RTN3: variants seen among roughly 807,000 people sequenced by gnomAD.
The protein encoded by RTN3 is reticulon-3.
In RTN3, 49 loss-of-function variants were observed where a neutral mutation model predicts 77.8. The ratio of observed to expected loss-of-function variants is 0.63; its 90% CI spans 0.50 to 0.80. RTN3 has a LOEUF of 0.80. RTN3 is among the 30% of genes least tolerant of loss of function. The pLI is 0.00. For missense variants in RTN3, 1,236 were observed against 1,211.9 expected, an observed-to-expected ratio of 1.02 and a Z score of -0.29; for synonymous variants, 464 against 446.9, an observed-to-expected ratio of 1.04 and a Z score of -0.48.
chr11:63,753,624 C>T (rs1345296295), intron 6 of RTN3, 38 bp from the exon 7 acceptor site: 3 of 1,587,454 alleles, frequency 1.9e-6, no homozygotes, highest in Non-Finnish European at 2.6e-6. Context: ...GACTGTCTCT[C>T]ATATACACTT....
intron 3 of RTN3, chr11:63,747,032 C>T (rs1394235962): frequency 2.2e-6 from 1 of 455,940 alleles, no homozygotes; most frequent in Non-Finnish European, 4.4e-6. Context: ...GAAGTAAGTT[C>T]CTCAGCCTTT....
At chr11:63,748,352 C>T (rs1565342699) in intron 3 of RTN3, among the ~76,000 whole-genome samples, 1 of 138,834 alleles carries the variant, frequency 7.2e-6, no homozygotes, top group East Asian at 2.0e-4. Context: ...GCCCCACTCA[C>T]TTTTTTTTTT....
chr11:63,759,587 C>T lies in RTN3; in HGVS notation c.*1386C>T, dbSNP rs2014563724. 1 of 152,630 alleles carries T rather than the reference C, an allele frequency of 6.6e-6. No homozygotes were observed. Among genetic ancestry groups the T allele is most frequent in the African/African-American group, 2.4e-5 (1 of 41,454 alleles). The allele number at this position is 152,630 out of a possible 1,614,324, so 9.5% of individuals were successfully genotyped here. ...ATTCTCCATCCTCATCCTCTGCCCT[C>T]CCAGGAAGTCAGTGATTGTCTTTTT... is the stretch of plus-strand genomic sequence containing the variant. On this transcript the variant is annotated 3_prime_UTR_variant, in exon 9 of 9. Transcript: ENST00000377819.
rs7123713 is a variant in RTN3, at chr11:63,685,029, G to A, written c.142+3251G>A. ...CCCACCTCGGCCTCCCAAGGTGTTG[G>A]GATTACAGGCATGAGCCACTGAGCC... is the stretch of plus-strand genomic sequence containing the variant. On this transcript the variant is annotated intron_variant, in intron 1 of 8. Coordinates refer to ENST00000377819, the MANE Select transcript of RTN3 (RefSeq NM_001265589.2). 7.9e-3 allele frequency among the ~76,000 whole-genome samples: 1,196 copies of A among 152,130 alleles called. 15 individuals carry two copies. Among genetic ancestry groups the A allele is most frequent in the African/African-American group, 0.027 (1,100 of 41,486 alleles).
At chr11:63,689,382 A>G (rs1301386272) in intron 1 of RTN3, among the ~76,000 whole-genome samples, 4 of 152,194 alleles carry the variant, frequency 2.6e-5, no homozygotes, top group African/African-American at 9.7e-5. Context: ...TATGGTGTTG[A>G]TGTTTTGAAA....
In RTN3 at chr11:63,720,416, A is replaced by G. The variant is rs745391410; in HGVS notation, c.1914A>G (p.Leu638=). The G allele has an allele frequency of 6.2e-7, 1 of 1,613,930 alleles. No individual in the cohort carries two copies. The highest frequency in any genetic ancestry group is 8.5e-7 in the Non-Finnish European group (1 of 1,179,962). ...CAACATCTGCCTATTTGGAGTCATT[A>G]CATGGGAAAAATGTTAAACATATAG... ...NVTTSAYLES[L]HGKNVKHIDD... is the part of the protein sequence containing the mutation. Residue 638 remains leucine (L), a synonymous_variant, in exon 3 of 9, where the codon TTA becomes TTG. Coordinates refer to ENST00000377819, the MANE Select transcript of RTN3 (RefSeq NM_001265589.2).
intron 3 of RTN3, among the ~76,000 whole-genome samples, chr11:63,723,788 C>T (rs2012003802): frequency 6.6e-6 from 1 of 152,066 alleles, no homozygotes; most frequent in Admixed American, 6.6e-5. Flanking sequence ...AAAAACAGTG[C>T]TTTAATTATA....
intron 3 of RTN3, among the ~76,000 whole-genome samples, chr11:63,735,732 G>A (rs1362213889): frequency 6.6e-6 from 1 of 152,040 alleles, no homozygotes; most frequent in Admixed American, 6.6e-5. Flanking sequence ...GTTTTGCCAT[G>A]TTGCCCAGGT....
intron 4 of RTN3, among the ~76,000 whole-genome samples, chr11:63,751,204 A>AGC (rs2014087993): frequency 6.6e-6 from 1 of 152,204 alleles, no homozygotes; most frequent in South Asian, 2.1e-4. Context: ...GGGAAAGCAG[A>AGC]GCACCTAGAG....
At chr11:63,722,294 G>A (rs2011877729) in intron 3 of RTN3, among the ~76,000 whole-genome samples, 1 of 152,074 alleles carries the variant, frequency 6.6e-6, no homozygotes, top group Non-Finnish European at 1.5e-5. Flanking sequence ...AAGAAAATTA[G>A]ATTTTTGTTA....
chr11:63,718,580 T>C lies in RTN3; in HGVS notation c.200-122T>C, dbSNP rs1590830095. 2.3e-5 allele frequency: 14 copies of C among 616,616 alleles called. No homozygotes were observed. In the East Asian group the frequency reaches 3.2e-4, roughly 14 times the overall value. 38.2% of individuals were successfully genotyped at this position (616,616 alleles called of 1,614,324 possible). On this transcript the variant is annotated intron_variant, in intron 2 of 8. Transcript: ENST00000377819. ...ACATATTTATGTGTGTATATATACATCCTGTGTGTGTATATATATATTTAT... is the reference window on the plus strand; with the variant it reads ...ACATATTTATGTGTGTATATATACACCCTGTGTGTGTATATATATATTTAT...
intron 3 of RTN3, among the ~76,000 whole-genome samples, chr11:63,730,464 A>G (rs754897608): frequency 6.6e-6 from 1 of 152,262 alleles, no homozygotes; most frequent in Non-Finnish European, 1.5e-5. Context: ...TATGTGCCTA[A>G]TAATGGCTTC....
intron 3 of RTN3, among the ~76,000 whole-genome samples, chr11:63,735,418 A>C (rs1319465524): frequency 6.6e-6 from 1 of 152,240 alleles, no homozygotes; most frequent in Non-Finnish European, 1.5e-5. Flanking sequence ...CACTGCAGAG[A>C]GAAGCTAAAG....
rs752861158 is a variant in RTN3, at chr11:63,681,787, C to T, written c.142+9C>T. On this transcript the variant is annotated intron_variant, in intron 1 of 8. Coordinates refer to ENST00000377819, the MANE Select transcript of RTN3 (RefSeq NM_001265589.2). ...CAGCTCCTCCTGTGCGGGTAAGGCG[C>T]GCGGGGAGCCCCCGCCCTGGGAAAG... The T allele has an allele frequency of 6.4e-6, 10 of 1,558,164 alleles. No homozygotes were observed. Among genetic ancestry groups the T allele is most frequent in the Middle Eastern group, 3.6e-4 (2 of 5,630 alleles).
chr11:63,690,632 C>A (rs1478602944), intron 1 of RTN3, among the ~76,000 whole-genome samples: 2 of 152,144 alleles, frequency 1.3e-5, no homozygotes, highest in Non-Finnish European at 2.9e-5. Flanking sequence ...ATTCAGTGAT[C>A]AGTTTAATTT....
At chr11:63,724,128 T>G (rs1241318384) in intron 3 of RTN3, among the ~76,000 whole-genome samples, 1 of 151,888 alleles carries the variant, frequency 6.6e-6, no homozygotes, top group Non-Finnish European at 1.5e-5. Flanking sequence ...GTTGGCAATA[T>G]GTAACAGACC....
At chr11:63,701,932 T>G (rs1486222403) in intron 1 of RTN3, among the ~76,000 whole-genome samples, 1 of 152,192 alleles carries the variant, frequency 6.6e-6, no homozygotes, top group Non-Finnish European at 1.5e-5. Flanking sequence ...AGTGAAACTT[T>G]GTCTCAAAAA....
At chr11:63,697,630 C>A (rs1228654045) in intron 1 of RTN3, among the ~76,000 whole-genome samples, 6 of 152,182 alleles carry the variant, frequency 3.9e-5, no homozygotes, top group Admixed American at 3.9e-4. Flanking sequence ...CACCTGCCAC[C>A]ACGCCTGGCT....
chr11:63,752,281 C>T (rs1047441202), intron 4 of RTN3, among the ~76,000 whole-genome samples: 4 of 151,954 alleles, frequency 2.6e-5, no homozygotes, highest in Non-Finnish European at 5.9e-5. Flanking sequence ...GAACATAGGT[C>T]AGTTCTTTAC....
Sources: gnomAD v4.1 joint callset for allele counts (sites outside exome capture counted in the v4.1 genomes callset) on GRCh38, gnomAD v4.1.1 for gene constraint, MANE v1.5 for transcripts, NCBI Gene and HGNC (gene_info 2026-07-23, HGNC 2026-07-21) for gene names.